ANK2: variants seen among roughly 807,000 people sequenced by gnomAD.
The protein encoded by ANK2 is ankyrin-2.
ANK2 carries 83 observed loss-of-function variants against 360.5 expected under a neutral mutation model. The ratio of observed to expected loss-of-function variants is 0.23; its 90% CI spans 0.19 to 0.28. ANK2 has a LOEUF of 0.28. Among genes scored for constraint, ANK2 ranks in the 10% least tolerant of loss-of-function variants. The pLI is 1.00. For missense variants in ANK2, 4,201 were observed against 4,795.7 expected (o/e 0.88, Z 3.66); for synonymous variants, 1,740 against 1,759.5 (o/e 0.99, Z 0.28).
intron 2 of ANK2, among the ~76,000 whole-genome samples, chr4:112,989,856 A>G (rs1449727696): frequency 3.9e-5 from 6 of 152,260 alleles, no homozygotes. Flanking sequence ...GACTTTGGAC[A>G]GTTCATGACG....
intron 2 of ANK2, among the ~76,000 whole-genome samples, chr4:112,998,846 A>AT (rs1397419838): frequency 6.6e-6 from 1 of 152,194 alleles, no homozygotes; most frequent in African/African-American, 2.4e-5. Flanking sequence ...ATCCAATTGC[A>AT]TCTTGCAGAA....
the ANK2 span, among the ~76,000 whole-genome samples, chr4:112,725,307 A>G: frequency 1.4e-5 from 2 of 147,262 alleles, no homozygotes; most frequent in African/African-American, 5.0e-5. Flanking sequence ...AAAAAACAGG[A>G]AACAAATTCT....
At chr4:112,794,995 A>T in the ANK2 span, among the ~76,000 whole-genome samples, 2 of 152,226 alleles carry the variant, frequency 1.3e-5, no homozygotes, top group Non-Finnish European at 2.9e-5. Flanking sequence ...GAGGTAATGA[A>T]TGTCAAGCAA....
the ANK2 span, among the ~76,000 whole-genome samples, chr4:112,739,413 A>G: frequency 6.6e-6 from 1 of 152,164 alleles, no homozygotes; most frequent in African/African-American, 2.4e-5. Context: ...TCAGGAGTCA[A>G]GACCAGCCTG....
At chr4:113,019,794 AT>A (rs200634759) in intron 2 of ANK2, among the ~76,000 whole-genome samples, 1,897 of 151,724 alleles carry the variant, frequency 0.013, 38 homozygotes, top group African/African-American at 0.043. Flanking sequence ...AAGTCAAATT[AT>A]TTTTTATAAA....
chr4:112,775,545 A>ACACACACACACACACACACACACAC, the ANK2 span, among the ~76,000 whole-genome samples: 57 of 150,812 alleles, frequency 3.8e-4, no homozygotes, highest in Non-Finnish European at 6.5e-4. Context: ...ACACACACAC[A>ACACACACACACACACACACACACAC]AGAAAAAAAA....
chr4:113,157,270 C>G (rs562358651), intron 1 of ANK2, among the ~76,000 whole-genome samples: 1 of 152,226 alleles, frequency 6.6e-6, no homozygotes, highest in South Asian at 2.1e-4. Context: ...TTTCATCTAT[C>G]TTGGAAGGGG....
chr4:113,077,812 A>G (rs1316555067), intron 1 of ANK2, among the ~76,000 whole-genome samples: 2 of 152,246 alleles, frequency 1.3e-5, no homozygotes, highest in Non-Finnish European at 2.9e-5. Flanking sequence ...ACTACACAGA[A>G]CAATAGCCTG....
At chr4:113,234,763 C>T (rs1413977346) in intron 5 of ANK2, among the ~76,000 whole-genome samples, 1 of 152,120 alleles carries the variant, frequency 6.6e-6, no homozygotes, top group Non-Finnish European at 1.5e-5. Context: ...TTCAATGTGG[C>T]AATGAAATTC....
intron 26 of ANK2, among the ~76,000 whole-genome samples, chr4:113,328,770 C>T (rs1180564221): frequency 6.6e-6 from 1 of 152,132 alleles, no homozygotes; most frequent in Non-Finnish European, 1.5e-5. Context: ...TGGGCTCCTT[C>T]GCACCCATTT....
chr4:112,801,007 C>A, the ANK2 span, among the ~76,000 whole-genome samples: 1 of 152,104 alleles, frequency 6.6e-6, no homozygotes, highest in Non-Finnish European at 1.5e-5. Context: ...ACCTGCAAAG[C>A]TGAGAGCTAT....
intron 2 of ANK2, among the ~76,000 whole-genome samples, chr4:113,002,524 G>T (rs1291155156): frequency 6.6e-6 from 1 of 150,888 alleles, no homozygotes; most frequent in Non-Finnish European, 1.5e-5. Context: ...AGAACACATG[G>T]ACACAGGAAG....
chr4:112,970,043 G>C lies in ANK2; in HGVS notation c.21+65529G>C, dbSNP rs186196729. On this transcript the variant is annotated intron_variant, in intron 2 of 30. Transcript: ENST00000503271. ...CTGTCGTCCAGGCTGGAGTGCGATG[G>C]TGCTATCTCGGCTCACTGCAACCGC... is the stretch of plus-strand genomic sequence containing the variant. Among the ~76,000 whole-genome samples the C allele has an allele frequency of 2.0e-3, 299 of 152,030 alleles. 1 individual carries two copies. Among genetic ancestry groups the C allele is most frequent in the African/African-American group, 6.9e-3 (288 of 41,468 alleles).
At chr4:112,749,902 C>T in the ANK2 span, among the ~76,000 whole-genome samples, 3 of 151,982 alleles carry the variant, frequency 2.0e-5, no homozygotes, top group Admixed American at 6.6e-5. Flanking sequence ...CCCACCACCA[C>T]GCCCAGCTAA....
intron 23 of ANK2, among the ~76,000 whole-genome samples, chr4:113,310,809 A>G (rs2079558515): frequency 6.6e-6 from 1 of 152,222 alleles, no homozygotes; most frequent in African/African-American, 2.4e-5. Context: ...CAGATTCTGT[A>G]TTAAACCATC....
At chr4:113,134,744 A>G (rs970891627) in intron 1 of ANK2, among the ~76,000 whole-genome samples, 10 of 152,184 alleles carry the variant, frequency 6.6e-5, no homozygotes, top group Non-Finnish European at 1.5e-4. Flanking sequence ...GGAAGAATTT[A>G]GGACAAAATT....
chr4:112,758,302 AATTT>A, the ANK2 span, among the ~76,000 whole-genome samples: 1 of 152,076 alleles, frequency 6.6e-6, no homozygotes, highest in Non-Finnish European at 1.5e-5. Flanking sequence ...TCAATTGTAA[AATTT>A]ATTCATTTAA....
intron 1 of ANK2, among the ~76,000 whole-genome samples, chr4:112,872,237 C>T (rs747913770): frequency 1.3e-4 from 19 of 151,930 alleles, no homozygotes; most frequent in Middle Eastern, 3.4e-3. Context: ...GCTACGTTGC[C>T]TAGGCTGGTC....
intron 1 of ANK2, among the ~76,000 whole-genome samples, chr4:113,087,555 T>C (rs2085464403): frequency 6.6e-6 from 1 of 152,154 alleles, no homozygotes; most frequent in Non-Finnish European, 1.5e-5. Flanking sequence ...CAAAAATTAT[T>C]AACAAGCAAT....
Sources: gnomAD v4.1 joint callset for allele counts (sites outside exome capture counted in the v4.1 genomes callset) on GRCh38, gnomAD v4.1.1 for gene constraint, MANE v1.5 for transcripts, NCBI Gene and HGNC (gene_info 2026-07-23, HGNC 2026-07-21) for gene names.